The following KLHDC10 variants were observed in gnomAD, a reference collection of about 807,000 sequenced individuals.
KLHDC10 encodes kelch domain containing 10, also known as kelch domain-containing protein 10.
In KLHDC10, 24 loss-of-function variants were observed where a neutral mutation model predicts 56.1. That is an observed-to-expected ratio of 0.43 (90% CI 0.31 to 0.60). KLHDC10 has a LOEUF of 0.60. Ranked by LOEUF, KLHDC10 falls within the 20% of genes least tolerant of loss-of-function variation. The pLI is 0.11. For missense variants in KLHDC10, 349 were observed against 567.0 expected (o/e 0.62, Z 3.91); for synonymous variants, 188 against 207.1 (o/e 0.91, Z 0.79).
At chr7:130,100,920 C>T (rs757756217) in intron 2 of KLHDC10, among the ~76,000 whole-genome samples, 4 of 151,530 alleles carry the variant, frequency 2.6e-5, no homozygotes, top group African/African-American at 4.8e-5. Context: ...CTTAACATAC[C>T]CATTTACTTT....
intron 1 of KLHDC10, among the ~76,000 whole-genome samples, chr7:130,083,231 T>G (rs1795633619): frequency 6.6e-6 from 1 of 152,204 alleles, no homozygotes; most frequent in Admixed American, 6.5e-5. Context: ...ATCATCAATT[T>G]AGTGAGTCAA....
At chr7:130,113,913 C>T (rs886153578) in intron 2 of KLHDC10, among the ~76,000 whole-genome samples, 2 of 152,154 alleles carry the variant, frequency 1.3e-5, no homozygotes, top group African/African-American at 4.8e-5. Flanking sequence ...AACATAGCAA[C>T]TCTGTTAGAT....
chr7:130,120,861 G>A lies in KLHDC10; in HGVS notation c.588G>A (p.Leu196=), dbSNP rs760158627. The A allele has an allele frequency of 1.9e-6, 3 of 1,614,158 alleles. No individual in the cohort carries two copies. Among genetic ancestry groups the A allele is most frequent in the Non-Finnish European group, 1.7e-6 (2 of 1,180,016 alleles). Residue 196 remains leucine, a synonymous_variant, in exon 4 of 10, where the codon TTG becomes TTA. Coordinates refer to ENST00000335420, the MANE Select transcript of KLHDC10 (RefSeq NM_014997.4). The surrounding 1 kb of genome is among the most constrained non-coding windows in gnomAD (Gnocchi z 5.1). ...VCNVKYKRWA[L]LSCRGKKPSR... is the part of the protein sequence containing the mutation. ...ATGTGAAGTATAAGAGATGGGCTTT[G>A]CTCAGCTGTCGGGGGAAGAAACCCA...
intron 5 of KLHDC10, among the ~76,000 whole-genome samples, chr7:130,122,412 T>G (rs1290835065): frequency 1.3e-5 from 2 of 152,162 alleles, no homozygotes; most frequent in Non-Finnish European, 2.9e-5. Context: ...AACTACAGAA[T>G]TTTTTTCCAT....
rs551469473 is a variant in KLHDC10, at chr7:130,100,575, T to G, written c.253+3568T>G. ...TTTTATTATGTTCTCAACTTCTCTC[T>G]GGTATTGGTGACAGTGAACTAATGA... On this transcript the variant is annotated intron_variant, in intron 2 of 9. Transcript: ENST00000335420. Among the ~76,000 whole-genome samples the G allele has an allele frequency of 3.7e-4, 57 of 152,356 alleles. 1 individual carries two copies. Among genetic ancestry groups the G allele is most frequent in the African/African-American group, 1.2e-3 (50 of 41,578 alleles).
intron 3 of KLHDC10, among the ~76,000 whole-genome samples, chr7:130,119,760 C>A (rs1796223015): frequency 6.6e-6 from 1 of 150,982 alleles, no homozygotes; most frequent in Non-Finnish European, 1.5e-5. Context: ...AGGAGAATCA[C>A]CTGAACCTGG....
intron 2 of KLHDC10, among the ~76,000 whole-genome samples, chr7:130,098,663 A>C (rs1288978329): frequency 6.6e-6 from 1 of 152,076 alleles, no homozygotes; most frequent in Non-Finnish European, 1.5e-5. Flanking sequence ...GCATAAATTA[A>C]ACTTCATTTT....
intron 2 of KLHDC10, among the ~76,000 whole-genome samples, chr7:130,110,511 A>C (rs1314994181): frequency 6.6e-6 from 1 of 152,158 alleles, no homozygotes; most frequent in Non-Finnish European, 1.5e-5. Context: ...TATAACCAAC[A>C]AGTAATATTG....
chr7:130,082,331 C>A (rs984546608), intron 1 of KLHDC10, among the ~76,000 whole-genome samples: 10 of 152,034 alleles, frequency 6.6e-5, no homozygotes, highest in South Asian at 2.1e-4. Context: ...CTCAAAAAAA[C>A]CCCCAAAATT....
At chr7:130,102,309 T>C (rs1006550085) in intron 2 of KLHDC10, among the ~76,000 whole-genome samples, 2 of 152,186 alleles carry the variant, frequency 1.3e-5, no homozygotes, top group Non-Finnish European at 2.9e-5. Context: ...ACATGTTTCT[T>C]ATAATAACTA....
intron 1 of KLHDC10, among the ~76,000 whole-genome samples, chr7:130,093,186 A>G (rs1417254627): frequency 1.3e-5 from 2 of 150,228 alleles, no homozygotes; most frequent in East Asian, 4.0e-4. Flanking sequence ...ATATTGATGA[A>G]GTTATTGAAG....
intron 8 of KLHDC10, among the ~76,000 whole-genome samples, chr7:130,128,872 T>C (rs1254886935): frequency 2.6e-5 from 1 of 39,170 alleles, no homozygotes; most frequent in East Asian, 4.7e-4. Flanking sequence ...AGACCTTGTC[T>C]CTTAAAAAAA....
Position 130,130,121 on chromosome 7 carries a change from C to T in KLHDC10, c.1120-416C>T. On this transcript the variant is annotated intron_variant, in intron 9 of 9. Transcript: ENST00000335420. The surrounding 1 kb of genome is among the most constrained non-coding windows in gnomAD (Gnocchi z 4.2). ...CACGAGGTCAGGAGATTGAGACCATCCTGGCTAACACGGATGAAACCCCAT... is the reference window on the plus strand; with the variant it reads ...CACGAGGTCAGGAGATTGAGACCATTCTGGCTAACACGGATGAAACCCCAT... 6.6e-6 allele frequency among the ~76,000 whole-genome samples: 1 copy of T among 151,870 alleles called. No individual in the cohort carries two copies. Among genetic ancestry groups the T allele is most frequent in the East Asian group, 1.9e-4 (1 of 5,174 alleles).
rs567365478 is a variant in KLHDC10, at chr7:130,116,075, C to T, written c.254-370C>T. On this transcript the variant is annotated intron_variant, in intron 2 of 9. Coordinates refer to ENST00000335420, the MANE Select transcript of KLHDC10 (RefSeq NM_014997.4). This position sits in a 1 kb window ranked among gnomAD's most constrained non-coding sequence, Gnocchi z 4.8. ...ATTTAGTTGGCCTGTGTTTTTTTCT[C>T]CTCTAAGGAAATAAGAAAACTTGTC... 3.9e-4 allele frequency among the ~76,000 whole-genome samples: 60 copies of T among 152,036 alleles called. No homozygotes were observed. Among genetic ancestry groups the T allele is most frequent in the African/African-American group, 1.4e-3 (59 of 41,480 alleles).
At chr7:130,125,419 T>C (rs1584640192) in intron 6 of KLHDC10, among the ~76,000 whole-genome samples, 1 of 152,066 alleles carries the variant, frequency 6.6e-6, no homozygotes, top group Non-Finnish European at 1.5e-5. Context: ...GGCGGGCACC[T>C]GTAGTCTCAG....
intron 2 of KLHDC10, among the ~76,000 whole-genome samples, chr7:130,115,962 T>C (rs1796161735): frequency 6.6e-6 from 1 of 152,186 alleles, no homozygotes. Flanking sequence ...GGAAAAATCA[T>C]AGATTTTGTG....
chr7:130,111,858 A>T (rs1428522600), intron 2 of KLHDC10, among the ~76,000 whole-genome samples: 1 of 152,214 alleles, frequency 6.6e-6, no homozygotes, highest in Admixed American at 6.5e-5. Flanking sequence ...TAGTAAAATA[A>T]GGGAAATGCA....
chr7:130,091,746 A>G (rs779927579), intron 1 of KLHDC10, among the ~76,000 whole-genome samples: 13 of 152,094 alleles, frequency 8.5e-5, no homozygotes, highest in Non-Finnish European at 1.6e-4. Context: ...TTCCCCAGTC[A>G]GTGCATATTT....
chr7:130,123,199 TG>T (rs1363444955), intron 5 of KLHDC10, among the ~76,000 whole-genome samples: 1 of 152,212 alleles, frequency 6.6e-6, no homozygotes, highest in Non-Finnish European at 1.5e-5. Flanking sequence ...TCACTGTGGC[TG>T]GGCGCAGCCT....
Sources: allele counts gnomAD v4.1 joint callset (sites outside exome capture counted in the v4.1 genomes callset), GRCh38; gene constraint gnomAD v4.1.1; non-coding constraint Gnocchi (gnomAD v3.1); transcripts MANE v1.5; gene names NCBI Gene and HGNC (gene_info 2026-07-23, HGNC 2026-07-21).